The following MALRD1 variants were observed in gnomAD, a reference collection of about 807,000 sequenced individuals.
MALRD1 encodes the protein MAM and LDL receptor class A domain containing 1, also known as MAM and LDL-receptor class A domain-containing protein 1.
Under a neutral mutation model 242.1 loss-of-function variants are expected in MALRD1, and 247 were observed. The ratio of observed to expected loss-of-function variants is 1.02; its 90% CI spans 0.92 to 1.13. The LOEUF (loss-of-function observed/expected upper bound fraction) is 1.13, where lower values mean the gene tolerates loss of function less well. Among genes scored for constraint, MALRD1 ranks in the 50% most tolerant of loss-of-function variants. MALRD1 has a pLI of 0.00. For synonymous variants in MALRD1, 995 were observed against 866.6 expected, an observed-to-expected ratio of 1.15 and a Z score of -2.60; for missense variants, 2,989 against 2,533.1, an observed-to-expected ratio of 1.18 and a Z score of -3.86.
At chr10:19,211,512 G>A (rs1837066433) in intron 18 of MALRD1, among the ~76,000 whole-genome samples, 1 of 151,492 alleles carries the variant, frequency 6.6e-6, no homozygotes, top group South Asian at 2.1e-4. Flanking sequence ...GGGCAACAAG[G>A]CAAAACCTCA....
chr10:19,686,994 C>G (rs1419887333), intron 36 of MALRD1, among the ~76,000 whole-genome samples: 1 of 148,638 alleles, frequency 6.7e-6, no homozygotes, highest in Non-Finnish European at 1.5e-5. Context: ...TGTGAGTGCT[C>G]TTTGAAAAAA....
chr10:19,123,068 G>A (rs1384286702), intron 5 of MALRD1, among the ~76,000 whole-genome samples: 1 of 152,132 alleles, frequency 6.6e-6, no homozygotes, highest in Admixed American at 6.6e-5. Context: ...TCCAGAGAAA[G>A]CAGTTCCAGG....
intron 14 of MALRD1, among the ~76,000 whole-genome samples, chr10:19,183,591 TC>T (rs1445703846): frequency 3.3e-5 from 5 of 152,334 alleles, no homozygotes; most frequent in African/African-American, 1.2e-4. Context: ...CAATTTACTT[TC>T]TTTTTTACAT....
intron 36 of MALRD1, among the ~76,000 whole-genome samples, chr10:19,646,620 TAATAA>T (rs1840670630): frequency 6.7e-6 from 1 of 149,272 alleles, no homozygotes; most frequent in East Asian, 2.0e-4. Flanking sequence ...AAAAAAAAAA[TAATAA>T]GTTTAAAGTA....
chr10:19,692,147 GT>G (rs1564545387), intron 36 of MALRD1, 134 bp from the exon 37 acceptor site: 1 of 673,386 alleles, frequency 1.5e-6, no homozygotes, highest in Non-Finnish European at 2.3e-6. Context: ...AAAGTTTTTG[GT>G]TTTTTATCAA....
chr10:19,264,079 G>T (rs1333272505), intron 19 of MALRD1, among the ~76,000 whole-genome samples: 1 of 152,144 alleles, frequency 6.6e-6, no homozygotes, highest in East Asian at 1.9e-4. Context: ...AAAGTTTTAA[G>T]ACTGTTACTG....
chr10:19,183,545 T>C (rs1404619195), intron 14 of MALRD1, among the ~76,000 whole-genome samples: 2 of 152,212 alleles, frequency 1.3e-5, no homozygotes, highest in East Asian at 3.8e-4. Context: ...ATGCTATTTA[T>C]TTTAATTTTT....
chr10:19,109,909 T>A (rs1342454258), intron 5 of MALRD1, among the ~76,000 whole-genome samples: 1 of 152,196 alleles, frequency 6.6e-6, no homozygotes, highest in African/African-American at 2.4e-5. Flanking sequence ...CATCAAAAAC[T>A]GTGGCAACTG....
intron 36 of MALRD1, among the ~76,000 whole-genome samples, chr10:19,627,802 A>AATTG (rs975017384): frequency 2.0e-5 from 3 of 151,292 alleles, no homozygotes; most frequent in African/African-American, 7.3e-5. Flanking sequence ...AAAAAACAAT[A>AATTG]ATAGGCCAGG....
chr10:19,163,137 T>TA lies in MALRD1; in HGVS notation c.1657-2472dup, dbSNP rs58034381. ...TGAACAACTGGAGTGAAACCCTGTC[T>TA]AAAAAAAAAAAAAAAAAAAAAAAAA... On this transcript the variant is annotated intron_variant, in intron 12 of 39. Transcript: ENST00000454679. Among the ~76,000 whole-genome samples, 198 of 43,838 alleles carry TA rather than the reference T, an allele frequency of 4.5e-3. 35 individuals are homozygous for TA. Among genetic ancestry groups the TA allele is most frequent in the Admixed American group, 7.3e-3 (21 of 2,858 alleles). 28.8% of individuals were successfully genotyped at this position (43,838 alleles called of 152,430 possible).
At chr10:19,056,441 A>C (rs890371343) in intron 1 of MALRD1, among the ~76,000 whole-genome samples, 1 of 151,968 alleles carries the variant, frequency 6.6e-6, no homozygotes, top group Admixed American at 6.6e-5. Context: ...ATTATACTTT[A>C]TGTGTTGCTA....
chr10:19,177,649 T>G (rs1835320354), intron 14 of MALRD1, among the ~76,000 whole-genome samples: 1 of 152,170 alleles, frequency 6.6e-6, no homozygotes, highest in African/African-American at 2.4e-5. Flanking sequence ...TTATTTTATT[T>G]TTTCGTTTTT....
chr10:19,438,767 G>A (rs1412780), intron 28 of MALRD1, among the ~76,000 whole-genome samples: 108,777 of 151,996 alleles, frequency 0.72, 39,054 homozygotes, highest in Non-Finnish European at 0.75. Flanking sequence ...TCTCTTGAGT[G>A]GTGAGTGACT....
rs147457663 is a variant in MALRD1 at position 19,657,874 on chromosome 10, A to G, written c.6138-34408A>G. Among the ~76,000 whole-genome samples the G allele has an allele frequency of 9.6e-3, 1,460 of 152,252 alleles. 25 individuals are homozygous for G. The highest frequency in any genetic ancestry group is 0.033 in the African/African-American group (1,371 of 41,548). The stretch of plus-strand genomic sequence containing the variant: ...AATACACGACTAATTTTGGCCAGGT[A>G]CAACAGCTCATGCCTGTAATCCCAG... On this transcript the variant is annotated intron_variant, in intron 36 of 39. Transcript: ENST00000454679.
intron 29 of MALRD1, among the ~76,000 whole-genome samples, chr10:19,477,437 C>A (rs1282490567): frequency 2.0e-5 from 3 of 151,418 alleles, no homozygotes; most frequent in Non-Finnish European, 4.4e-5. Flanking sequence ...AGTGACTATT[C>A]TGCTACTCTA....
chr10:19,380,663 C>T (rs748077502), intron 26 of MALRD1, among the ~76,000 whole-genome samples: 2 of 151,944 alleles, frequency 1.3e-5, no homozygotes, highest in Non-Finnish European at 2.9e-5. Flanking sequence ...ATATATTTAT[C>T]ATCCTTTTGA....
At chr10:19,216,146 C>G (rs1368694991) in intron 18 of MALRD1, among the ~76,000 whole-genome samples, 29 of 129,104 alleles carry the variant, frequency 2.2e-4, no homozygotes, top group Non-Finnish European at 3.6e-4. Flanking sequence ...GAGACAGCGT[C>G]TTTCTCTGTC....
At chr10:19,253,609 T>C (rs1424394274) in intron 18 of MALRD1, among the ~76,000 whole-genome samples, 1 of 151,996 alleles carries the variant, frequency 6.6e-6, no homozygotes, top group Non-Finnish European at 1.5e-5. Context: ...GTATTTTTTA[T>C]TGTGTTTTAT....
At chr10:19,535,382 G>A (rs1834621126) in intron 32 of MALRD1, among the ~76,000 whole-genome samples, 1 of 151,866 alleles carries the variant, frequency 6.6e-6, no homozygotes, top group African/African-American at 2.4e-5. Flanking sequence ...TAAGGAATAT[G>A]TGTACTAGTA....
Sources: gnomAD v4.1 joint callset for allele counts (sites outside exome capture counted in the v4.1 genomes callset) on GRCh38, gnomAD v4.1.1 for gene constraint, MANE v1.5 for transcripts, NCBI Gene and HGNC (gene_info 2026-07-23, HGNC 2026-07-21) for gene names.